The following TTC34 variants were observed in gnomAD, a reference collection of about 807,000 sequenced individuals.
The protein encoded by TTC34 is tetratricopeptide repeat protein 34.
Under a neutral mutation model 40.7 loss-of-function variants are expected in TTC34, and 44 were observed. The observed-to-expected ratio is 1.08, with a 90% confidence interval of 0.85 to 1.39. The LOEUF (loss-of-function observed/expected upper bound fraction) is 1.39. TTC34 is among the 40% of genes most tolerant of loss of function. TTC34 has a pLI of 0.00. For synonymous variants in TTC34, 422 were observed against 398.6 expected, an observed-to-expected ratio of 1.06 and a Z score of -0.70; for missense variants, 884 against 838.0, an observed-to-expected ratio of 1.05 and a Z score of -0.68.
At chr1:2,687,773 G>T (rs1289110025) in intron 6 of TTC34, among the ~76,000 whole-genome samples, 1 of 150,698 alleles carries the variant, frequency 6.6e-6, no homozygotes, top group Middle Eastern at 3.5e-3. Flanking sequence ...ACACCCTGAG[G>T]CGAGCATCTG....
At chr1:2,699,431 C>A (rs1420584942) in intron 6 of TTC34, among the ~76,000 whole-genome samples, 2 of 96,168 alleles carry the variant, frequency 2.1e-5, no homozygotes, top group Non-Finnish European at 4.7e-5. Flanking sequence ...GAGTATCTGA[C>A]AGCCTGGAAC....
intron 6 of TTC34, among the ~76,000 whole-genome samples, chr1:2,676,983 C>G (rs1235477864): frequency 1.9e-5 from 2 of 104,462 alleles, no homozygotes; most frequent in Admixed American, 9.7e-5. Flanking sequence ...AGGTGAGCAT[C>G]CGACAGCCTG....
intron 4 of TTC34, among the ~76,000 whole-genome samples, chr1:2,786,816 G>T (rs1256476932): frequency 6.6e-6 from 1 of 152,224 alleles, no homozygotes; most frequent in East Asian, 1.9e-4. Context: ...CCTGCTGGCT[G>T]CTGGTGGGCA....
intron 3 of TTC34, 44 bp downstream of exon 3, chr1:2,789,459 C>A: frequency 6.7e-7 from 1 of 1,486,934 alleles, no homozygotes; most frequent in Non-Finnish European, 9.0e-7. Context: ...TCGAAGGAGA[C>A]CCGCAGGAAG....
chr1:2,792,006 C>CTTTT (rs376632144), intron 2 of TTC34, among the ~76,000 whole-genome samples: 561 of 39,534 alleles, frequency 0.014, 133 homozygotes, highest in Non-Finnish European at 0.023. Flanking sequence ...TTGCCATATG[C>CTTTT]TTTTTTTTTT....
At chr1:2,639,116 A>G (rs528350020) in exon 9 of TTC34, 2 of 152,392 alleles carry the variant, frequency 1.3e-5, no homozygotes, top group African/African-American at 4.8e-5. Flanking sequence ...ATCTCCCAAA[A>G]GCCCCACTTC....
At chr1:2,647,260 T>TG (rs1389983413) in intron 6 of TTC34, among the ~76,000 whole-genome samples, 2 of 152,196 alleles carry the variant, frequency 1.3e-5, no homozygotes, top group African/African-American at 4.8e-5. Flanking sequence ...TCCAATCACA[T>TG]GTATGCTAGA....
At chr1:2,768,018 C>G (rs550512341) in intron 6 of TTC34, among the ~76,000 whole-genome samples, 72 of 151,422 alleles carry the variant, frequency 4.8e-4, no homozygotes, top group Admixed American at 1.8e-3. Context: ...AGGTGAGCAT[C>G]TGACAGCATA....
At position 2,778,126 on chromosome 1, in the gene TTC34, A is replaced by G. The variant is rs372557601; in HGVS notation, c.2226+5483T>C. ...TGGGGGAAACTTGGTGCCCTGGTCC[A>G]GCAGCCTGCCCTGCAGCAGCAAGCA... On this transcript the variant is annotated intron_variant, in intron 6 of 8. Transcript: ENST00000401095. Among the ~76,000 whole-genome samples, 6 of 152,354 alleles carry G rather than the reference A, an allele frequency of 3.9e-5. No homozygotes were observed. In the South Asian group the frequency reaches 1.0e-3, roughly 26 times the overall value.
intron 6 of TTC34, among the ~76,000 whole-genome samples, chr1:2,779,373 G>A (rs1643440632): frequency 6.6e-6 from 1 of 152,092 alleles, no homozygotes; most frequent in Admixed American, 6.5e-5. Context: ...GCCCAGGCTG[G>A]AGTGCAGTGG....
chr1:2,775,266 C>T (rs71630991), intron 6 of TTC34: 11,444 of 150,510 alleles, frequency 0.076, 559 homozygotes, highest in Admixed American at 0.14. Flanking sequence ...ATGACATCCT[C>T]ACATCCAGGT....
At chr1:2,790,023 G>C (rs926027009) in exon 3 of TTC34, 10 of 395,916 alleles carry the variant, frequency 2.5e-5, no homozygotes, top group Non-Finnish European at 4.5e-5. Flanking sequence ...AGCGCGGGTC[G>C]CGCCCCGGCA....
At chr1:2,683,589 A>T (rs1640181062) in intron 6 of TTC34, among the ~76,000 whole-genome samples, 1 of 137,330 alleles carries the variant, frequency 7.3e-6, no homozygotes, top group African/African-American at 3.0e-5. Flanking sequence ...AACAGCACCC[A>T]CACACTCAGG....
intron 6 of TTC34, among the ~76,000 whole-genome samples, chr1:2,748,999 C>A (rs1265224605): frequency 3.4e-5 from 5 of 145,494 alleles, no homozygotes; most frequent in Admixed American, 1.4e-4. Flanking sequence ...ACAGCACCCA[C>A]ACGCCCAGGT....
At chr1:2,795,165 T>C (rs1483048229) in intron 2 of TTC34, among the ~76,000 whole-genome samples, 1 of 152,020 alleles carries the variant, frequency 6.6e-6, no homozygotes, top group Non-Finnish European at 1.5e-5. Context: ...GCAGGAGGAC[T>C]GCTTGAGCCT....
intron 6 of TTC34, among the ~76,000 whole-genome samples, chr1:2,684,241 G>A: frequency 6.6e-6 from 1 of 151,466 alleles, no homozygotes; most frequent in East Asian, 1.9e-4. Flanking sequence ...CACAGCCCCA[G>A]GAGAGCATCC....
At chr1:2,784,411 G>A (rs1037383479) in intron 5 of TTC34, among the ~76,000 whole-genome samples, 1 of 152,200 alleles carries the variant, frequency 6.6e-6, no homozygotes, top group African/African-American at 2.4e-5. Context: ...AAGCACCACA[G>A]GGAGGGGTTT....
chr1:2,683,141 G>A (rs1314432907), intron 6 of TTC34, among the ~76,000 whole-genome samples: 1 of 129,660 alleles, frequency 7.7e-6, no homozygotes, highest in Non-Finnish European at 1.7e-5. Flanking sequence ...GCCTGGAACA[G>A]CACGCACAGC....
intron 6 of TTC34, among the ~76,000 whole-genome samples, chr1:2,685,321 A>C (rs1441899508): frequency 0.1 from 2,875 of 27,516 alleles, no homozygotes; most frequent in East Asian, 0.15. Flanking sequence ...ACACACACCC[A>C]CAAGCGAGCA....
Sources: gnomAD v4.1 joint callset for allele counts (sites outside exome capture counted in the v4.1 genomes callset) on GRCh38, gnomAD v4.1.1 for gene constraint, MANE v1.5 for transcripts, NCBI Gene and HGNC (gene_info 2026-07-23, HGNC 2026-07-21) for gene names.